PIAS1: variants seen among roughly 807,000 people sequenced by gnomAD.
The protein encoded by PIAS1 is protein inhibitor of activated STAT 1.
Under a neutral mutation model 71.3 loss-of-function variants are expected in PIAS1, and 6 were observed. The ratio of observed to expected loss-of-function variants is 0.08; its 90% CI spans 0.05 to 0.17. PIAS1 has a LOEUF of 0.17. Among genes scored for constraint, PIAS1 ranks in the 10% least tolerant of loss-of-function variants. The pLI is 1.00. For missense variants in PIAS1, 555 were observed against 793.6 expected (o/e 0.70, Z 3.61); for synonymous variants, 303 against 292.9 (o/e 1.03, Z -0.35).
chr15:68,088,003 A>G (rs937336370), intron 2 of PIAS1: 1 of 234,342 alleles, frequency 4.3e-6, no homozygotes, highest in African/African-American at 2.3e-5. Flanking sequence ...AAAAAATGGA[A>G]TTGCCAAAGT....
intron 2 of PIAS1, among the ~76,000 whole-genome samples, chr15:68,117,415 A>G (rs1456726727): frequency 6.6e-6 from 1 of 152,170 alleles, no homozygotes; most frequent in Non-Finnish European, 1.5e-5. Context: ...TATGCAATAC[A>G]TTATTGTTAA....
intron 2 of PIAS1, among the ~76,000 whole-genome samples, chr15:68,093,819 T>C (rs181517144): frequency 6.6e-6 from 1 of 152,336 alleles, no homozygotes; most frequent in African/African-American, 2.4e-5. Context: ...TAGTCATTTT[T>C]TCTTGTCTGT....
intron 2 of PIAS1, among the ~76,000 whole-genome samples, chr15:68,110,466 G>A (rs1382085890): frequency 6.6e-6 from 1 of 151,958 alleles, no homozygotes; most frequent in Non-Finnish European, 1.5e-5. Flanking sequence ...TGTGGTGGCG[G>A]GTGCCTGTAA....
At chr15:68,056,949 A>G (rs143808696) in intron 1 of PIAS1, among the ~76,000 whole-genome samples, 7 of 152,284 alleles carry the variant, frequency 4.6e-5, no homozygotes, top group Non-Finnish European at 1.0e-4. Context: ...GAAATTTTAA[A>G]TGGGAATAGA....
intron 8 of PIAS1, 32 bp downstream of exon 8, chr15:68,164,836 A>G (rs2141077986): frequency 8.7e-7 from 1 of 1,147,450 alleles, no homozygotes; most frequent in East Asian, 2.4e-5. Context: ...CTTTCCAGAA[A>G]GTTTAACATA....
chr15:68,142,662 G>A (rs1292997198), intron 4 of PIAS1, among the ~76,000 whole-genome samples: 2 of 109,368 alleles, frequency 1.8e-5, no homozygotes, highest in African/African-American at 7.2e-5. Flanking sequence ...AATATAGCAA[G>A]TCATGTTCTA....
intron 7 of PIAS1, among the ~76,000 whole-genome samples, chr15:68,160,699 GA>G (rs1283332138): frequency 6.6e-6 from 1 of 152,140 alleles, no homozygotes; most frequent in Non-Finnish European, 1.5e-5. Context: ...AACTAAAAAT[GA>G]AAAATCATAT....
At chr15:68,180,253 C>G (rs961446237) in intron 11 of PIAS1, among the ~76,000 whole-genome samples, 2 of 151,994 alleles carry the variant, frequency 1.3e-5, no homozygotes, top group East Asian at 3.9e-4. Context: ...TACGTGCCAC[C>G]AGGCCTGGCT....
chr15:68,167,255 A>G lies in PIAS1; in HGVS notation c.1008+2451A>G, dbSNP rs2092963496. ...AATTATAATACTTTCATGGGTTTCT[A>G]TTTGGCTAAAGGGATAATCCCTTAC... is the stretch of plus-strand genomic sequence containing the variant. On this transcript the variant is annotated intron_variant, in intron 8 of 13. Transcript: ENST00000249636. The surrounding 1 kb of genome is among the most constrained non-coding windows in gnomAD (Gnocchi z 4.4). Among the ~76,000 whole-genome samples, 2 of 152,004 alleles carry G rather than the reference A, an allele frequency of 1.3e-5. No individual in the cohort carries two copies. The highest frequency in any genetic ancestry group is 4.1e-4 in the South Asian group (2 of 4,828).
rs1233969853 is a variant in PIAS1 at position 68,193,379 on chromosome 15, C to CT, written c.*5545dup. Reference sequence around the variant, plus strand: ...CACTCTAGTGTTTTCACTCTACACTCTGTGTTTATGAATGAATAGCCTGAG... The same window carrying CT: ...CACTCTAGTGTTTTCACTCTACACTCTTGTGTTTATGAATGAATAGCCTGAG... On this transcript the variant is annotated 3_prime_UTR_variant, in exon 14 of 14. Coordinates refer to ENST00000249636, the MANE Select transcript of PIAS1 (RefSeq NM_016166.3). The CT allele has an allele frequency of 2.6e-5, 4 of 152,400 alleles. No individual in the cohort carries two copies. The highest frequency in any genetic ancestry group is 2.1e-4 in the South Asian group (1 of 4,836). 9.4% of individuals were successfully genotyped at this position (152,400 alleles called of 1,614,324 possible).
chr15:68,134,264 G>C (rs1216697524), intron 2 of PIAS1, among the ~76,000 whole-genome samples: 1 of 25,484 alleles, frequency 3.9e-5, no homozygotes, highest in Admixed American at 3.2e-4. Context: ...CCTCCCAGAC[G>C]GGGTGGTGGC....
At chr15:68,142,974 C>T (rs1463700641) in intron 4 of PIAS1, among the ~76,000 whole-genome samples, 3 of 152,028 alleles carry the variant, frequency 2.0e-5, no homozygotes, top group African/African-American at 2.4e-5. Context: ...GGATTCACAA[C>T]CCCTTATTGA....
intron 11 of PIAS1, among the ~76,000 whole-genome samples, chr15:68,177,442 A>G (rs1024500992): frequency 2.0e-5 from 3 of 152,208 alleles, no homozygotes; most frequent in East Asian, 1.9e-4. Context: ...AGGAAGACCA[A>G]TGATTTAAAT....
intron 1 of PIAS1, among the ~76,000 whole-genome samples, chr15:68,082,772 A>C (rs1281386336): frequency 6.6e-6 from 1 of 152,150 alleles, no homozygotes. Flanking sequence ...GACCTACTAC[A>C]TAGAATATAG....
chr15:68,092,664 G>A (rs1000276976), intron 2 of PIAS1, among the ~76,000 whole-genome samples: 1 of 152,146 alleles, frequency 6.6e-6, no homozygotes, highest in Non-Finnish European at 1.5e-5. Context: ...TGGCCCTTAT[G>A]GATGAGATTA....
intron 2 of PIAS1, among the ~76,000 whole-genome samples, chr15:68,106,286 C>A (rs1017637103): frequency 6.9e-5 from 10 of 145,774 alleles, no homozygotes; most frequent in Admixed American, 1.4e-4. Flanking sequence ...ACCTCACCTG[C>A]CCATGAAGGC....
chr15:68,066,475 T>C (rs2092028209), intron 1 of PIAS1, among the ~76,000 whole-genome samples: 1 of 152,208 alleles, frequency 6.6e-6, no homozygotes, highest in South Asian at 2.1e-4. Flanking sequence ...TAACTTAATA[T>C]TAGCCAAGAA....
At chr15:68,084,059 G>A (rs912187739) in intron 1 of PIAS1, among the ~76,000 whole-genome samples, 1 of 152,086 alleles carries the variant, frequency 6.6e-6, no homozygotes, top group Non-Finnish European at 1.5e-5. Flanking sequence ...GATTTTATGA[G>A]AAATGTCAAC....
At chr15:68,104,807 G>A (rs1426769977) in intron 2 of PIAS1, among the ~76,000 whole-genome samples, 1 of 152,138 alleles carries the variant, frequency 6.6e-6, no homozygotes, top group Admixed American at 6.5e-5. Flanking sequence ...CCATAAATAT[G>A]TACAGCAATT....
Sources: allele counts gnomAD v4.1 joint callset (sites outside exome capture counted in the v4.1 genomes callset), GRCh38; gene constraint gnomAD v4.1.1; non-coding constraint Gnocchi (gnomAD v3.1); transcripts MANE v1.5; gene names NCBI Gene and HGNC (gene_info 2026-07-23, HGNC 2026-07-21).